Variants in AP3B1 observed in about 807,000 individuals in gnomAD.
The protein encoded by AP3B1 is adaptor related protein complex 3 subunit beta 1, also known as AP-3 complex subunit beta-1.
A neutral mutation model predicts 132.5 loss-of-function variants in AP3B1; 61 were observed. That is an observed-to-expected ratio of 0.46 (90% CI 0.37 to 0.57). The LOEUF (loss-of-function observed/expected upper bound fraction) is 0.57. Among genes scored for constraint, AP3B1 ranks in the 20% least tolerant of loss-of-function variants. The pLI, the probability that AP3B1 is intolerant of heterozygous loss-of-function variation, is 0.00. For missense variants in AP3B1, 1,120 were observed against 1,289.4 expected, an observed-to-expected ratio of 0.87 and a Z score of 2.01; for synonymous variants, 388 against 438.3, an observed-to-expected ratio of 0.89 and a Z score of 1.43.
At chr5:78,036,463 G>A (rs1747812871) in intron 23 of AP3B1, among the ~76,000 whole-genome samples, 1 of 152,082 alleles carries the variant, frequency 6.6e-6, no homozygotes, top group Non-Finnish European at 1.5e-5. Context: ...CATATAGGAT[G>A]CCATTTACTT....
intron 12 of AP3B1, among the ~76,000 whole-genome samples, chr5:78,165,348 AG>A (rs1201556568): frequency 2.0e-5 from 3 of 152,220 alleles, no homozygotes; most frequent in African/African-American, 7.2e-5. Flanking sequence ...AATTCTTACC[AG>A]AAATACAATT....
chr5:78,062,059 A>G (rs1039533685), intron 22 of AP3B1, among the ~76,000 whole-genome samples: 4 of 152,224 alleles, frequency 2.6e-5, no homozygotes, highest in Admixed American at 2.0e-4. Flanking sequence ...AGTTTTCAAT[A>G]TTTTTATTTG....
intron 17 of AP3B1, among the ~76,000 whole-genome samples, chr5:78,117,544 A>C (rs570823003): frequency 6.6e-6 from 1 of 152,286 alleles, no homozygotes; most frequent in Non-Finnish European, 1.5e-5. Flanking sequence ...TCCTGACCTC[A>C]GGTGATCCAC....
At chr5:78,144,974 C>CA (rs1753322452) in intron 14 of AP3B1, among the ~76,000 whole-genome samples, 2 of 152,102 alleles carry the variant, frequency 1.3e-5, no homozygotes, top group Non-Finnish European at 2.9e-5. Flanking sequence ...TCTGGGATTA[C>CA]AGGCATGAGC....
chr5:78,278,164 G>C lies in AP3B1; in HGVS notation c.129-10569C>G, dbSNP rs187037857. On this transcript the variant is annotated intron_variant, in intron 1 of 26. Transcript: ENST00000255194. ...TTTAAACAGTGAAAAGGAACTTTTT[G>C]CCTGTTACAAATTTTATGCATCACC... 3.4e-4 allele frequency among the ~76,000 whole-genome samples: 51 copies of C among 152,186 alleles called. No homozygotes were observed. In the East Asian group the frequency reaches 9.5e-3, roughly 28 times the overall value.
intron 7 of AP3B1, among the ~76,000 whole-genome samples, chr5:78,183,867 T>TA (rs899886034): frequency 0.21 from 15,194 of 71,416 alleles, 1,376 homozygotes; most frequent in Non-Finnish European, 0.27. Flanking sequence ...AATTCCATCT[T>TA]AAAAAAAAAA....
At chr5:78,168,226 C>CTTT (rs111663014) in intron 11 of AP3B1, among the ~76,000 whole-genome samples, 46 of 128,048 alleles carry the variant, frequency 3.6e-4, no homozygotes, top group African/African-American at 1.4e-3. Context: ...TTTCTTTTTT[C>CTTT]TTTTTTTTTT....
intron 22 of AP3B1, chr5:78,087,435 A>G: frequency 1.5e-6 from 1 of 664,266 alleles, no homozygotes. Context: ...TAGAATATTC[A>G]GTTTATTTCT....
At chr5:78,232,707 CTT>C (rs947395255) in intron 3 of AP3B1, among the ~76,000 whole-genome samples, 1 of 152,030 alleles carries the variant, frequency 6.6e-6, no homozygotes, top group Non-Finnish European at 1.5e-5. Context: ...ATGTTTTATT[CTT>C]TCTTTCTTTT....
intron 13 of AP3B1, among the ~76,000 whole-genome samples, chr5:78,159,732 T>A (rs75430589): frequency 0.014 from 2,147 of 152,326 alleles, 57 homozygotes; most frequent in African/African-American, 0.049. Context: ...GTTCTGGGCA[T>A]CTTTGGAACG....
chr5:78,097,196 GCCCCTCTGCCCGGCCAGCCACCC>G (rs1750870361), intron 21 of AP3B1, among the ~76,000 whole-genome samples: 1 of 134,656 alleles, frequency 7.4e-6, no homozygotes. Flanking sequence ...GAAGTGAGGA[GCCCCTCTGCCCGGCCAGCCACCC>G]CGTCCGGGAG....
At chr5:78,032,030 T>C (rs147787051) in intron 24 of AP3B1, among the ~76,000 whole-genome samples, 1,669 of 152,254 alleles carry the variant, frequency 0.011, 13 homozygotes, top group Middle Eastern at 0.027. Flanking sequence ...GCGCACATAT[T>C]TGATCTCAAT....
At chr5:78,079,983 G>C (rs997263386) in intron 22 of AP3B1, among the ~76,000 whole-genome samples, 2 of 151,970 alleles carry the variant, frequency 1.3e-5, no homozygotes, top group African/African-American at 4.8e-5. Flanking sequence ...TTCTACAAAT[G>C]GCTTCCTATG....
chr5:78,057,134 G>A (rs1343553979), intron 22 of AP3B1, among the ~76,000 whole-genome samples: 5 of 152,104 alleles, frequency 3.3e-5, no homozygotes, highest in Admixed American at 2.6e-4. Context: ...AAGAAGTCAC[G>A]GCTAAGTCAT....
Position 78,165,603 on chromosome 5 carries a change from C to A in AP3B1, c.1230+7G>T, listed in dbSNP as rs1298715924. 1.9e-6 allele frequency: 3 copies of A among 1,601,342 alleles called. No individual in the cohort carries two copies. The highest frequency in any genetic ancestry group is 2.6e-6 in the Non-Finnish European group (3 of 1,169,826). ...GAAGTTTTTTATAATTAGCACTGTA[C>A]ACAAACCTGAAATTCTCGAAGAAGA... On this transcript the variant is annotated splice_region_variant and intron_variant, in intron 12 of 26. Transcript: ENST00000255194.
At chr5:78,162,352 G>T (rs1285972903) in intron 13 of AP3B1, among the ~76,000 whole-genome samples, 1 of 152,002 alleles carries the variant, frequency 6.6e-6, no homozygotes, top group Non-Finnish European at 1.5e-5. Context: ...AGTTAATTTT[G>T]AATATAATTA....
chr5:78,211,921 C>A (rs1036032510), intron 7 of AP3B1, among the ~76,000 whole-genome samples: 3 of 152,174 alleles, frequency 2.0e-5, no homozygotes, highest in African/African-American at 7.2e-5. Flanking sequence ...CTGTATATAT[C>A]AATTTCTTCA....
At chr5:78,060,019 G>A (rs986344122) in intron 22 of AP3B1, among the ~76,000 whole-genome samples, 1 of 152,116 alleles carries the variant, frequency 6.6e-6, no homozygotes, top group Non-Finnish European at 1.5e-5. Flanking sequence ...GGGGGTCTGG[G>A]TGGGGCAGAA....
At chr5:78,257,153 A>T (rs769494250) in intron 2 of AP3B1, among the ~76,000 whole-genome samples, 1 of 152,168 alleles carries the variant, frequency 6.6e-6, no homozygotes, top group Non-Finnish European at 1.5e-5. Context: ...TCAACATACC[A>T]CTGGAAGTCC....
Sources: allele counts gnomAD v4.1 joint callset (sites outside exome capture counted in the v4.1 genomes callset), GRCh38; gene constraint gnomAD v4.1.1; transcripts MANE v1.5; gene names NCBI Gene and HGNC (gene_info 2026-07-23, HGNC 2026-07-21).